ATP2B2: variants seen among roughly 807,000 people sequenced by gnomAD.
ATP2B2 encodes ATPase plasma membrane Ca2+ transporting 2, also known as plasma membrane calcium-transporting ATPase 2.
Under a neutral mutation model 120.0 loss-of-function variants are expected in ATP2B2, and 15 were observed. The ratio of observed to expected loss-of-function variants is 0.12; its 90% confidence interval spans 0.08 to 0.19. ATP2B2 has a LOEUF of 0.19. Ranked by LOEUF, ATP2B2 falls within the 10% of genes least tolerant of loss-of-function variation. The pLI is 1.00. For synonymous variants in ATP2B2, 694 were observed against 700.3 expected, an observed-to-expected ratio of 0.99 and a Z score of 0.14; for missense variants, 1,045 against 1,719.8, an observed-to-expected ratio of 0.61 and a Z score of 6.94.
chr3:10,526,038 C>T (rs1296365897), intron 3 of ATP2B2, among the ~76,000 whole-genome samples: 1 of 152,202 alleles, frequency 6.6e-6, no homozygotes, highest in Non-Finnish European at 1.5e-5. Flanking sequence ...CAGTATATAT[C>T]AAGTCCTTAA....
At chr3:10,413,063 T>C (rs2062665236) in intron 2 of ATP2B2, among the ~76,000 whole-genome samples, 1 of 150,378 alleles carries the variant, frequency 6.6e-6, no homozygotes, top group Admixed American at 6.6e-5. Context: ...GTTTTAGGGT[T>C]CTAACAGTCT....
intron 3 of ATP2B2, among the ~76,000 whole-genome samples, chr3:10,406,610 G>A (rs1384624637): frequency 2.0e-5 from 3 of 152,238 alleles, no homozygotes; most frequent in African/African-American, 7.2e-5. Flanking sequence ...AGCGGGCTGT[G>A]CCATCTAGGT....
rs144945279 is a variant in ATP2B2, at chr3:10,585,031, C to T, written c.-415+34886G>A. 9.5e-3 allele frequency among the ~76,000 whole-genome samples: 1,451 copies of T among 152,286 alleles called. 10 individuals are homozygous for T. Among genetic ancestry groups the T allele is most frequent in the Non-Finnish European group, 0.014 (965 of 68,032 alleles). On this transcript the variant is annotated intron_variant, in intron 2 of 21. Coordinates refer to the ATP2B2 transcript ENST00000646379. ...ATCTCTTCCTCCTCCTCCCCTGCCA[C>T]ACCCAGGTCCAAGCTGCCATCACCT... is the stretch of plus-strand genomic sequence containing the variant.
At chr3:10,578,976 G>A (rs1187237091) in intron 2 of ATP2B2, among the ~76,000 whole-genome samples, 1 of 152,182 alleles carries the variant, frequency 6.6e-6, no homozygotes, top group African/African-American at 2.4e-5. Flanking sequence ...GCTGGATCTG[G>A]GTATTGGTCA....
intron 3 of ATP2B2, among the ~76,000 whole-genome samples, chr3:10,530,260 G>A (rs1281272179): frequency 6.6e-6 from 1 of 152,190 alleles, no homozygotes; most frequent in East Asian, 1.9e-4. Context: ...CAGGCCCTAA[G>A]CTGGGCATAT....
At chr3:10,531,035 AAG>A (rs1224553247) in intron 3 of ATP2B2, among the ~76,000 whole-genome samples, 1 of 152,172 alleles carries the variant, frequency 6.6e-6, no homozygotes, top group Non-Finnish European at 1.5e-5. Context: ...CCTGCTGGCA[AAG>A]AGAGTGACAA....
intron 2 of ATP2B2, among the ~76,000 whole-genome samples, chr3:10,585,834 T>C (rs1329807490): frequency 1.3e-5 from 2 of 152,196 alleles, no homozygotes; most frequent in African/African-American, 4.8e-5. Context: ...TGTTTGGTAG[T>C]GCCCTCAAAA....
intron 5 of ATP2B2, among the ~76,000 whole-genome samples, chr3:10,398,775 C>G (rs2062126129): frequency 6.6e-6 from 1 of 152,198 alleles, no homozygotes; most frequent in African/African-American, 2.4e-5. Flanking sequence ...GCTCCCCAAG[C>G]TCCCCAAAGC....
At position 10,544,408 on chromosome 3, in the gene ATP2B2, A is replaced by G. The variant is rs117076555; in HGVS notation, c.-414-10275T>C. Among the ~76,000 whole-genome samples, 389 of 152,312 alleles carry G rather than the reference A, an allele frequency of 2.6e-3. 4 individuals carry two copies. In the East Asian group the frequency reaches 0.032, roughly 12 times the overall value. ...TCTCTCATCAAACAGAGTTTAACAAATATTTGTGGGGAAGGTCATTAAAAA... is the reference window on the plus strand; with the variant it reads ...TCTCTCATCAAACAGAGTTTAACAAGTATTTGTGGGGAAGGTCATTAAAAA... On this transcript the variant is annotated intron_variant, in intron 2 of 21. Coordinates refer to the ATP2B2 transcript ENST00000646379.
chr3:10,471,947 G>A (rs924772519), intron 1 of ATP2B2, among the ~76,000 whole-genome samples: 6 of 151,788 alleles, frequency 4.0e-5, no homozygotes, highest in East Asian at 1.9e-4. Flanking sequence ...CGGGTGTGGT[G>A]GCGGGCGCCT....
At chr3:10,504,513 C>T (rs1052832197) in intron 1 of ATP2B2, among the ~76,000 whole-genome samples, 7 of 151,952 alleles carry the variant, frequency 4.6e-5, no homozygotes, top group Admixed American at 2.6e-4. Context: ...GCATGGAGGG[C>T]CCGAGACCCC....
At chr3:10,673,423 G>A (rs2071162929) in intron 1 of ATP2B2, among the ~76,000 whole-genome samples, 1 of 150,140 alleles carries the variant, frequency 6.7e-6, no homozygotes, top group Non-Finnish European at 1.5e-5. Flanking sequence ...GAGAGAGGAA[G>A]AAAGAGACAA....
At chr3:10,582,790 G>A (rs1252799690) in intron 2 of ATP2B2, among the ~76,000 whole-genome samples, 1 of 152,214 alleles carries the variant, frequency 6.6e-6, no homozygotes, top group African/African-American at 2.4e-5. Context: ...GGACTGTCTG[G>A]GAGTCAGAGG....
At chr3:10,430,836 C>G (rs1432608940) in intron 2 of ATP2B2, among the ~76,000 whole-genome samples, 1 of 150,926 alleles carries the variant, frequency 6.6e-6, no homozygotes, top group African/African-American at 2.4e-5. Context: ...CTGGGGTTGG[C>G]CACAGTTCTG....
At chr3:10,330,544 G>A (rs923366094) in intron 22 of ATP2B2, among the ~76,000 whole-genome samples, 2 of 152,248 alleles carry the variant, frequency 1.3e-5, no homozygotes, top group Admixed American at 1.3e-4. Flanking sequence ...GAGAAAACAA[G>A]GCGGCGTTGG....
chr3:10,397,243 C>A (rs1422633677), intron 5 of ATP2B2, among the ~76,000 whole-genome samples: 2 of 152,160 alleles, frequency 1.3e-5, no homozygotes, highest in African/African-American at 4.8e-5. Context: ...TCAGAGCTCC[C>A]GGCTGCTCAG....
chr3:10,463,001 T>G (rs2064563053), intron 1 of ATP2B2, among the ~76,000 whole-genome samples: 1 of 152,140 alleles, frequency 6.6e-6, no homozygotes, highest in Non-Finnish European at 1.5e-5. Context: ...CTTCCAACTT[T>G]TGCATATATG....
At chr3:10,685,075 T>C (rs4684737) in intron 1 of ATP2B2, among the ~76,000 whole-genome samples, 2,765 of 152,274 alleles carry the variant, frequency 0.018, 69 homozygotes, top group East Asian at 0.083. Flanking sequence ...AGGCCACCGA[T>C]GATGTTCTCC....
rs533310629 is a variant in ATP2B2, at chr3:10,449,674, G to T, written c.-131C>A. On this transcript the variant is annotated 5_prime_UTR_variant, in exon 2 of 23. Coordinates refer to ENST00000360273, the MANE Select transcript of ATP2B2 (RefSeq NM_001001331.4). Reference sequence around the variant, plus strand: ...GCTGTGGCACCAGGCGGCCGACTCCGGGTCCCGGGGGGTGGGGGTGGCCGA... The same window carrying T: ...GCTGTGGCACCAGGCGGCCGACTCCTGGTCCCGGGGGGTGGGGGTGGCCGA... 1.9e-3 allele frequency: 2,112 copies of T among 1,103,556 alleles called. 6 individuals are homozygous for T. The highest frequency in any genetic ancestry group is 2.3e-3 in the Non-Finnish European group (1,729 of 740,386). 68.4% of individuals were successfully genotyped at this position (1,103,556 alleles called of 1,614,324 possible).
Sources: gnomAD v4.1 joint callset for allele counts (sites outside exome capture counted in the v4.1 genomes callset) on GRCh38, gnomAD v4.1.1 for gene constraint, MANE v1.5 for transcripts, NCBI Gene and HGNC (gene_info 2026-07-23, HGNC 2026-07-21) for gene names.